Variants in SPATS2 observed in about 807,000 individuals in gnomAD.
The protein encoded by SPATS2 is spermatogenesis associated serine rich 2.
SPATS2 carries 38 observed loss-of-function variants against 63.7 expected under a neutral mutation model. That is an observed-to-expected ratio of 0.60 (90% confidence interval 0.46 to 0.78). The LOEUF (loss-of-function observed/expected upper bound fraction) is 0.78, where lower values mean the gene tolerates loss of function less well. Ranked by LOEUF, SPATS2 falls within the 30% of genes least tolerant of loss-of-function variation. The pLI, the probability that SPATS2 is intolerant of heterozygous loss-of-function variation, is 0.00. For synonymous variants in SPATS2, 207 were observed against 232.9 expected (o/e 0.89, Z 1.01); for missense variants, 588 against 666.2 (o/e 0.88, Z 1.29).
intron 2 of SPATS2, chr12:49,441,929 A>T (rs1945425490): frequency 6.6e-6 from 1 of 152,188 alleles, no homozygotes; most frequent in South Asian, 2.1e-4. Flanking sequence ...ATGACCAAAG[A>T]TGTTACAGAG....
chr12:49,436,265 C>T (rs1409071658), intron 2 of SPATS2, among the ~76,000 whole-genome samples: 2 of 142,936 alleles, frequency 1.4e-5, no homozygotes, highest in Admixed American at 6.9e-5. Flanking sequence ...GCTGGCCGGG[C>T]GGGGGGCTGA....
chr12:49,424,575 T>C (rs1945039580), intron 2 of SPATS2, among the ~76,000 whole-genome samples: 1 of 152,270 alleles, frequency 6.6e-6, no homozygotes, highest in Admixed American at 6.5e-5. Flanking sequence ...ATTATAGTTC[T>C]CTTATCTGTT....
intron 11 of SPATS2, among the ~76,000 whole-genome samples, chr12:49,520,568 C>A (rs1946924157): frequency 6.6e-6 from 1 of 152,174 alleles, no homozygotes; most frequent in Non-Finnish European, 1.5e-5. Context: ...GCAGGAGCTC[C>A]TGTCTCTCCA....
At chr12:49,468,535 G>C (rs565914923) in intron 3 of SPATS2, among the ~76,000 whole-genome samples, 6 of 151,928 alleles carry the variant, frequency 3.9e-5, no homozygotes, top group South Asian at 4.2e-4. Flanking sequence ...GGAGTGCAGT[G>C]GTGTGATCTG....
intron 2 of SPATS2, among the ~76,000 whole-genome samples, chr12:49,448,171 T>C (rs1945549668): frequency 6.7e-6 from 1 of 150,322 alleles, no homozygotes; most frequent in Non-Finnish European, 1.5e-5. Flanking sequence ...CGAGTCTCAC[T>C]GTTCCACCCA....
rs141186809 is a variant in SPATS2 at position 49,526,360 on chromosome 12, T to TA, written c.*106dup. On this transcript the variant is annotated 3_prime_UTR_variant, in exon 14 of 14. Transcript: ENST00000552918. Reference sequence around the variant, plus strand: ...GTAATAACAAAAAGAAGTTTATGCGTATCACTTTTTGTGCCATTCTAAGTA... The same window carrying TA: ...GTAATAACAAAAAGAAGTTTATGCGTAATCACTTTTTGTGCCATTCTAAGTA... The TA allele has an allele frequency of 4.4e-3, 5,885 of 1,329,578 alleles. 83 individuals are homozygous for TA. Among genetic ancestry groups the TA allele is most frequent in the African/African-American group, 0.039 (2,654 of 67,398 alleles). 82.4% of individuals were successfully genotyped at this position (1,329,578 alleles called of 1,614,324 possible).
At chr12:49,471,124 G>A (rs1223567720) in intron 3 of SPATS2, among the ~76,000 whole-genome samples, 6 of 152,062 alleles carry the variant, frequency 3.9e-5, no homozygotes, top group Non-Finnish European at 8.8e-5. Context: ...CTGTAAAATG[G>A]CAAGATTGCA....
intron 2 of SPATS2, among the ~76,000 whole-genome samples, chr12:49,424,894 G>A (rs1227260965): frequency 1.3e-5 from 2 of 152,108 alleles, no homozygotes; most frequent in Non-Finnish European, 2.9e-5. Context: ...TGGCCAGGAT[G>A]GTCTGGAACT....
At chr12:49,418,108 G>GTTTTTTTTTTTT (rs760281633) in intron 2 of SPATS2, among the ~76,000 whole-genome samples, 2 of 76,050 alleles carry the variant, frequency 2.6e-5, no homozygotes, top group African/African-American at 6.5e-5. Context: ...AAATGACTCA[G>GTTTTTTTTTTTT]TTTTTTTTTT....
chr12:49,516,462 C>G (rs544118696), intron 10 of SPATS2, among the ~76,000 whole-genome samples: 1 of 151,556 alleles, frequency 6.6e-6, no homozygotes, highest in Non-Finnish European at 1.5e-5. Context: ...AATCCCAGCA[C>G]TCTGGGAGGC....
At chr12:49,384,221 C>T (rs1242032800) in intron 2 of SPATS2, among the ~76,000 whole-genome samples, 2 of 152,204 alleles carry the variant, frequency 1.3e-5, no homozygotes, top group African/African-American at 4.8e-5. Flanking sequence ...TTGCCTCGGC[C>T]TCCCAAAGTG....
intron 3 of SPATS2, chr12:49,462,764 C>A: frequency 2.6e-6 from 1 of 391,772 alleles, no homozygotes; most frequent in Non-Finnish European, 4.7e-6. Context: ...GTTTTTTCTC[C>A]AAAGTTACAC....
rs1240470286 is a variant in SPATS2, at chr12:49,498,151, T to A, written c.703+1142T>A. On this transcript the variant is annotated intron_variant, in intron 8 of 13. Transcript: ENST00000552918. Reference sequence around the variant, plus strand: ...TCAAGCCAAAAAAAAAAAAAATATATATATATATATATATATATGCGCACA... The same window carrying A: ...TCAAGCCAAAAAAAAAAAAAATATAAATATATATATATATATATGCGCACA... Among the ~76,000 whole-genome samples, 397 of 138,176 alleles carry A rather than the reference T, an allele frequency of 2.9e-3. 3 individuals carry two copies. Among genetic ancestry groups the A allele is most frequent in the African/African-American group, 9.2e-3 (337 of 36,552 alleles). 90.6% of individuals were successfully genotyped at this position (138,176 alleles called of 152,430 possible). A position where few individuals can be genotyped will look rare whatever the true frequency, so the allele number is the denominator to read the frequency against.
chr12:49,526,371 G>A lies in SPATS2; in HGVS notation c.*116G>A. On this transcript the variant is annotated 3_prime_UTR_variant, in exon 14 of 14. Coordinates refer to ENST00000552918, the MANE Select transcript of SPATS2 (RefSeq NM_023071.4). ...AAGAAGTTTATGCGTATCACTTTTT[G>A]TGCCATTCTAAGTATTTTTGGTTTC... The A allele has an allele frequency of 7.9e-7, 1 of 1,265,684 alleles. No individual in the cohort carries two copies. Among genetic ancestry groups the A allele is most frequent in the African/African-American group, 1.5e-5 (1 of 66,086 alleles). 78.4% of individuals were successfully genotyped at this position (1,265,684 alleles called of 1,614,324 possible). A position where few individuals can be genotyped will look rare whatever the true frequency, so the allele number is the denominator to read the frequency against.
chr12:49,497,080 C>T (rs1946475704), intron 8 of SPATS2, 71 bp downstream of exon 8: 3 of 1,415,390 alleles, frequency 2.1e-6, no homozygotes, highest in Non-Finnish European at 2.9e-6. Context: ...CAAATTATCT[C>T]TGTTGCCATA....
intron 9 of SPATS2, among the ~76,000 whole-genome samples, chr12:49,503,373 G>A (rs1946599990): frequency 6.7e-6 from 1 of 149,754 alleles, no homozygotes. Flanking sequence ...AAAAGAGCTG[G>A]GCGCGGTGGC....
intron 2 of SPATS2, among the ~76,000 whole-genome samples, chr12:49,381,088 CCT>C (rs1440925674): frequency 6.6e-6 from 1 of 151,946 alleles, no homozygotes; most frequent in East Asian, 1.9e-4. Context: ...TTTTAGCTAT[CCT>C]AGTAGATGTG....
intron 2 of SPATS2, among the ~76,000 whole-genome samples, chr12:49,395,955 A>G (rs946490848): frequency 6.6e-6 from 1 of 152,154 alleles, no homozygotes; most frequent in South Asian, 2.1e-4. Flanking sequence ...TACTTGATGC[A>G]TCTGTGTGTT....
intron 2 of SPATS2, among the ~76,000 whole-genome samples, chr12:49,376,753 T>G (rs1391510900): frequency 7.2e-6 from 1 of 138,484 alleles, no homozygotes; most frequent in East Asian, 2.3e-4. Flanking sequence ...AGTCTCACTC[T>G]GTCGCCCAGG....
Sources: allele counts gnomAD v4.1 joint callset (sites outside exome capture counted in the v4.1 genomes callset), GRCh38; gene constraint gnomAD v4.1.1; transcripts MANE v1.5; gene names NCBI Gene and HGNC (gene_info 2026-07-23, HGNC 2026-07-21).